The following ZFAND4 variants were observed in gnomAD, a reference collection of about 807,000 sequenced individuals.
ZFAND4 encodes the protein zinc finger AN1-type containing 4, also known as AN1-type zinc finger protein 4.
In ZFAND4, 43 loss-of-function variants were observed where a neutral mutation model predicts 64.4. The observed-to-expected ratio is 0.67, with a 90% CI of 0.52 to 0.86. ZFAND4 has a LOEUF of 0.86. ZFAND4 is among the 40% of genes least tolerant of loss of function. ZFAND4 has a pLI of 0.00. For synonymous variants in ZFAND4, 296 were observed against 305.7 expected (o/e 0.97, Z 0.33); for missense variants, 929 against 859.8 (o/e 1.08, Z -1.01).
chr10:45,659,795 G>A (rs553941534), intron 2 of ZFAND4, among the ~76,000 whole-genome samples: 28 of 152,194 alleles, frequency 1.8e-4, no homozygotes, highest in African/African-American at 6.5e-4. Context: ...AAAAGTAGAT[G>A]TTAAAAATAA....
intron 7 of ZFAND4, 117 bp from the exon 8 acceptor site, chr10:45,624,754 T>C: frequency 1.2e-6 from 1 of 822,220 alleles, no homozygotes; most frequent in Non-Finnish European, 1.9e-6. Flanking sequence ...CATTTTAAAT[T>C]ATTTATTCCA....
At position 45,672,733 on chromosome 10, in the gene ZFAND4, G is replaced by A. The variant is rs1375966576; in HGVS notation, c.-601C>T. 2 of 152,248 alleles carry A rather than the reference G, an allele frequency of 1.3e-5. No individual in the cohort carries two copies. Among genetic ancestry groups the A allele is most frequent in the Non-Finnish European group, 2.9e-5 (2 of 68,086 alleles). 9.4% of individuals were successfully genotyped at this position (152,248 alleles called of 1,614,324 possible). ...CGCCTACAGGTCGACAGGGCCCAAC[G>A]ACCCGGCGAGCAACTTCACGGAAGG... On this transcript the variant is annotated 5_prime_UTR_variant, in exon 1 of 10. Coordinates refer to ENST00000344646, the MANE Select transcript of ZFAND4 (RefSeq NM_174890.4).
intron 3 of ZFAND4, among the ~76,000 whole-genome samples, chr10:45,652,344 G>A (rs80162657): frequency 0.06 from 9,105 of 152,140 alleles, 398 homozygotes; most frequent in African/African-American, 0.12. Flanking sequence ...GTGGCATGCC[G>A]GAGACCCAAA....
At chr10:45,617,377 C>T (rs138981921) in intron 9 of ZFAND4, among the ~76,000 whole-genome samples, 298 of 152,054 alleles carry the variant, frequency 2.0e-3, no homozygotes, top group South Asian at 9.6e-3. Flanking sequence ...CCTGAAATTC[C>T]AGCACTTTGG....
At chr10:45,644,163 T>G (rs983604092) in intron 5 of ZFAND4, among the ~76,000 whole-genome samples, 10 of 152,238 alleles carry the variant, frequency 6.6e-5, no homozygotes, top group African/African-American at 2.4e-4. Context: ...GTATTTTGAC[T>G]GCCATGTATA....
chr10:45,661,854 C>T (rs1031434551), intron 2 of ZFAND4, among the ~76,000 whole-genome samples: 1 of 151,506 alleles, frequency 6.6e-6, no homozygotes, highest in East Asian at 1.9e-4. Flanking sequence ...GCAGGAGAAT[C>T]GCTTGAACCC....
At chr10:45,619,824 AT>A (rs1018457354) in intron 8 of ZFAND4, among the ~76,000 whole-genome samples, 11 of 152,222 alleles carry the variant, frequency 7.2e-5, no homozygotes, top group African/African-American at 2.7e-4. Context: ...ATTTGAAACA[AT>A]TGAGAGACTC....
chr10:45,665,497 C>T (rs899017396), intron 1 of ZFAND4, among the ~76,000 whole-genome samples: 1 of 151,942 alleles, frequency 6.6e-6, no homozygotes, highest in African/African-American at 2.4e-5. Context: ...GCCAAGATTG[C>T]ACCACTGCAC....
intron 2 of ZFAND4, among the ~76,000 whole-genome samples, chr10:45,658,244 T>C (rs945699526): frequency 2.0e-5 from 3 of 152,142 alleles, no homozygotes; most frequent in African/African-American, 7.2e-5. Flanking sequence ...TGGAGGCAGA[T>C]ACACACAGAC....
At chr10:45,624,173 G>C (rs2045629800) in intron 8 of ZFAND4, among the ~76,000 whole-genome samples, 1 of 152,120 alleles carries the variant, frequency 6.6e-6, no homozygotes, top group South Asian at 2.1e-4. Context: ...ATCCAGAAAT[G>C]ACTAGTTCAT....
chr10:45,660,148 C>T (rs533917061), intron 2 of ZFAND4, among the ~76,000 whole-genome samples: 142 of 133,766 alleles, frequency 1.1e-3, no homozygotes, highest in Admixed American at 1.7e-3. Context: ...GGCGACAGAG[C>T]GAGACGCATC....
intron 8 of ZFAND4, among the ~76,000 whole-genome samples, chr10:45,621,469 G>A (rs988429485): frequency 5.3e-5 from 8 of 150,820 alleles, no homozygotes; most frequent in Non-Finnish European, 1.0e-4. Context: ...AAGGCCAGGC[G>A]CAGTGGCTCA....
At chr10:45,670,631 T>C (rs1240094533) in intron 1 of ZFAND4, among the ~76,000 whole-genome samples, 1 of 152,246 alleles carries the variant, frequency 6.6e-6, no homozygotes, top group East Asian at 1.9e-4. Context: ...GCTAGCCATA[T>C]GTAGAAAGCT....
At chr10:45,644,080 AT>A (rs1302974505) in intron 5 of ZFAND4, among the ~76,000 whole-genome samples, 2 of 152,224 alleles carry the variant, frequency 1.3e-5, no homozygotes, top group Non-Finnish European at 2.9e-5. Flanking sequence ...GACAGACTTT[AT>A]GTGGCTCTCT....
chr10:45,644,634 C>T (rs1478790131), intron 5 of ZFAND4, among the ~76,000 whole-genome samples: 1 of 152,138 alleles, frequency 6.6e-6, no homozygotes, highest in Non-Finnish European at 1.5e-5. Context: ...TTAAAGATTA[C>T]TTTTCCAGCA....
chr10:45,649,747 G>A (rs993805270), intron 4 of ZFAND4: 4 of 152,206 alleles, frequency 2.6e-5, no homozygotes, highest in African/African-American at 9.7e-5. Context: ...GTAAGTTAAT[G>A]CTCCACTTTC....
In ZFAND4 at chr10:45,626,650, T is replaced by A; in HGVS notation, c.1173A>T (p.Glu391Asp). 6.2e-7 allele frequency: 1 copy of A among 1,614,258 alleles called. No homozygotes were observed. The highest frequency in any genetic ancestry group is 8.5e-7 in the Non-Finnish European group (1 of 1,180,046). The change falls in exon 7 of 10, where the codon GAA (glutamate) becomes GAT (aspartate). Residue 391 changes from glutamate to aspartate, a missense_variant. Coordinates refer to ENST00000344646, the MANE Select transcript of ZFAND4 (RefSeq NM_174890.4). ...IVLPSEECVT[E>D]QSLLPKVGSL... Reference sequence around the variant, plus strand: ...AGCCCACTTTAGGTAGAAGTGATTGTTCGGTTACACATTCTTCTGAAGGTA... The same window carrying A: ...AGCCCACTTTAGGTAGAAGTGATTGATCGGTTACACATTCTTCTGAAGGTA...
chr10:45,631,285 C>G (rs1451481536), intron 6 of ZFAND4, among the ~76,000 whole-genome samples: 1 of 150,120 alleles, frequency 6.7e-6, no homozygotes, highest in Non-Finnish European at 1.5e-5. Context: ...CCACTGCACT[C>G]CAGCCTGGGC....
chr10:45,631,614 C>T (rs1441471573), intron 6 of ZFAND4, among the ~76,000 whole-genome samples: 1 of 151,788 alleles, frequency 6.6e-6, no homozygotes, highest in Non-Finnish European at 1.5e-5. Flanking sequence ...ATATAAAAAG[C>T]AAAGCATAGC....
Sources: allele counts gnomAD v4.1 joint callset (sites outside exome capture counted in the v4.1 genomes callset), GRCh38; gene constraint gnomAD v4.1.1; transcripts MANE v1.5; gene names NCBI Gene and HGNC (gene_info 2026-07-23, HGNC 2026-07-21).